The following DLC1 variants were observed in gnomAD, a reference collection of about 807,000 sequenced individuals.
The protein encoded by DLC1 is rho GTPase-activating protein 7.
A neutral mutation model predicts 140.3 loss-of-function variants in DLC1; 54 were observed. The observed-to-expected ratio is 0.38, with a 90% confidence interval of 0.31 to 0.48. The LOEUF (loss-of-function observed/expected upper bound fraction) is 0.48, where lower values mean the gene tolerates loss of function less well. DLC1 is among the 20% of genes least tolerant of loss of function. The probability of loss-of-function intolerance (pLI) is 0.96; values close to 1 mark genes in which losing one functional copy is unlikely to be tolerated. For synonymous variants in DLC1, 986 were observed against 728.1 expected (o/e 1.35, Z -5.70); for missense variants, 2,536 against 1,907.0 (o/e 1.33, Z -6.14).
chr8:13,100,617 C>A lies in DLC1; in HGVS notation c.1720G>T (p.Asp574Tyr), dbSNP rs1406464503. ...AGCGTGCCTCCGGGGCTGGGGCCGT[C>A]CTTCGGGTGGGAGTCGTCTGGGGAC... Reference protein sequence around the residue: ...PGSPDDSHPKDGPSPGGTLMD... With the variant: ...PGSPDDSHPKYGPSPGGTLMD... The change falls in exon 9 of 18, where the codon GAC becomes TAC. Residue 574 changes from aspartate to tyrosine, a missense_variant. Physicochemically the swap from Asp to Tyr is radical, Grantham distance 160. Transcript: ENST00000276297. 1 of 1,614,118 alleles carries A rather than the reference C, an allele frequency of 6.2e-7. No individual in the cohort carries two copies. Among genetic ancestry groups the A allele is most frequent in the Non-Finnish European group, 8.5e-7 (1 of 1,180,024 alleles).
In DLC1 at chr8:13,100,691, C is replaced by T. The variant is rs1196719927; in HGVS notation, c.1646G>A (p.Arg549Gln). 3 of 1,613,342 alleles carry T rather than the reference C, an allele frequency of 1.9e-6. No individual in the cohort carries two copies. The highest frequency in any genetic ancestry group is 1.1e-5 in the South Asian group (1 of 90,926). The change falls in exon 9 of 18, where the codon CGG becomes CAG. Residue 549 changes from arginine (R) to glutamine (Q), a missense_variant. By Grantham distance (43) the Arg-to-Gln change is conservative. Coordinates refer to ENST00000276297, the MANE Select transcript of DLC1 (RefSeq NM_182643.3). ...TFQRDSKRWSRLEEFDVFSPK... is the reference protein window; with the variant it reads ...TFQRDSKRWSQLEEFDVFSPK... ...AGAAAAGACATCAAACTCTTCAAGCCGGGACCACCTCTTGCTGTCCCTTTG... is the reference window on the plus strand; with the variant it reads ...AGAAAAGACATCAAACTCTTCAAGCTGGGACCACCTCTTGCTGTCCCTTTG...
intron 1 of DLC1, among the ~76,000 whole-genome samples, chr8:13,544,343 ATATCT>A (rs1315440615): frequency 2.0e-5 from 3 of 152,156 alleles, no homozygotes; most frequent in African/African-American, 7.2e-5. Flanking sequence ...GATTGTTCTC[ATATCT>A]TATTACCTGT....
rs573449038 is a variant in DLC1 at position 13,357,067 on chromosome 8, G to C, written c.1314+36486C>G. ...GCGGATCACTTGAGGCCAGGAGTTT[G>C]AGACCAGCCTAGCCCATATAACAAA... On this transcript the variant is annotated intron_variant, in intron 4 of 17. Transcript: ENST00000276297. Among the ~76,000 whole-genome samples, 15 of 152,026 alleles carry C rather than the reference G, an allele frequency of 9.9e-5. No homozygotes were observed. The South Asian group carries it at 2.9e-3, about 29-fold the overall frequency.
At chr8:13,494,705 C>G (rs527410605) in intron 2 of DLC1, among the ~76,000 whole-genome samples, 3 of 152,240 alleles carry the variant, frequency 2.0e-5, no homozygotes, top group Non-Finnish European at 2.9e-5. Context: ...AATCCCAACA[C>G]TTTGGGAGGC....
intron 5 of DLC1, among the ~76,000 whole-genome samples, chr8:13,278,413 T>C (rs2117414094): frequency 6.6e-6 from 1 of 152,320 alleles, no homozygotes; most frequent in Admixed American, 6.5e-5. Flanking sequence ...ACCCATGGCA[T>C]GGGTAGTGCC....
At chr8:13,200,884 C>T (rs959201965) in intron 5 of DLC1, among the ~76,000 whole-genome samples, 4 of 152,178 alleles carry the variant, frequency 2.6e-5, no homozygotes, top group African/African-American at 7.2e-5. Context: ...AAGCATGACC[C>T]ACTGCACCCA....
intron 5 of DLC1, among the ~76,000 whole-genome samples, chr8:13,116,828 C>G (rs1331477434): frequency 1.3e-5 from 2 of 152,148 alleles, no homozygotes; most frequent in East Asian, 1.9e-4. Context: ...AATACCCAAA[C>G]TAAAAACGAT....
In DLC1 at chr8:13,413,256, A is replaced by ATTTTTTTTTTTTTTTTTTTTTTTTTTTTT. The variant is rs58038503; in HGVS notation, c.1024-11638_1024-11637insAAAAAAAAAAAAAAAAAAAAAAAAAAAAA. ...TAAAACATTATGAGATTTTTTTGCGATTTTTTTTTTTTTTTTTTTTTAGCT... is the reference window on the plus strand; with the variant it reads ...TAAAACATTATGAGATTTTTTTGCGATTTTTTTTTTTTTTTTTTTTTTTTTTTTTTTTTTTTTTTTTTTTTTTTTTAGCT... On this transcript the variant is annotated intron_variant, in intron 2 of 17. Transcript: ENST00000276297. Among the ~76,000 whole-genome samples the ATTTTTTTTTTTTTTTTTTTTTTTTTTTTT allele has an allele frequency of 6.1e-5, 5 of 82,020 alleles. 1 individual carries two copies. The highest frequency in any genetic ancestry group is 1.5e-4 in the African/African-American group (3 of 19,876). The allele number at this position is 82,020 out of a possible 152,430, so 53.8% of individuals were successfully genotyped here.
chr8:13,207,233 A>G (rs1228081451), intron 5 of DLC1, among the ~76,000 whole-genome samples: 1 of 152,190 alleles, frequency 6.6e-6, no homozygotes, highest in Non-Finnish European at 1.5e-5. Flanking sequence ...TACGTATTCA[A>G]AATATAAAAA....
chr8:13,136,927 A>C (rs7004456), intron 5 of DLC1, among the ~76,000 whole-genome samples: 69,462 of 152,128 alleles, frequency 0.46, 16,260 homozygotes, highest in Admixed American at 0.55. Flanking sequence ...AGGTTGTTAT[A>C]GTGCATACCT....
At chr8:13,266,330 G>A (rs1830687430) in intron 5 of DLC1, among the ~76,000 whole-genome samples, 1 of 152,136 alleles carries the variant, frequency 6.6e-6, no homozygotes, top group African/African-American at 2.4e-5. Context: ...CATGGCTCTG[G>A]GCATGTTTTG....
chr8:13,205,605 A>G (rs1057454521), intron 5 of DLC1, among the ~76,000 whole-genome samples: 2 of 152,110 alleles, frequency 1.3e-5, no homozygotes, highest in African/African-American at 2.4e-5. Context: ...ATGATAGCTG[A>G]TGAGCTAAAA....
At chr8:13,402,825 T>G (rs1343549395) in intron 2 of DLC1, among the ~76,000 whole-genome samples, 1 of 152,202 alleles carries the variant, frequency 6.6e-6, no homozygotes, top group East Asian at 1.9e-4. Context: ...CAGCCACCAT[T>G]AAAAGGCACC....
chr8:13,138,590 G>C (rs1822736958), intron 5 of DLC1, among the ~76,000 whole-genome samples: 1 of 152,284 alleles, frequency 6.6e-6, no homozygotes, highest in Admixed American at 6.5e-5. Context: ...ATTTTTATTT[G>C]TAATGTTCAA....
intron 2 of DLC1, among the ~76,000 whole-genome samples, chr8:13,435,011 G>A (rs1456077950): frequency 6.6e-6 from 1 of 152,076 alleles, no homozygotes; most frequent in Non-Finnish European, 1.5e-5. Context: ...AATACATTTT[G>A]TAAGGCTATA....
chr8:13,407,274 A>G (rs1837610743), intron 2 of DLC1, among the ~76,000 whole-genome samples: 1 of 152,168 alleles, frequency 6.6e-6, no homozygotes, highest in Non-Finnish European at 1.5e-5. Flanking sequence ...GGGTTTTTAG[A>G]GAATCATTCT....
At position 13,469,966 on chromosome 8, in the gene DLC1, T is replaced by C. The variant is rs1467162074; in HGVS notation, c.1023+29083A>G. Among the ~76,000 whole-genome samples the C allele has an allele frequency of 7.2e-5, 11 of 152,326 alleles. No individual in the cohort carries two copies. In the East Asian group the frequency reaches 2.1e-3, roughly 29 times the overall value. ...GAAAATAGCCAGGCAGGGCAGCTTATTTTGTATAGAAAGTGGCATTTGGAT... is the reference window on the plus strand; with the variant it reads ...GAAAATAGCCAGGCAGGGCAGCTTACTTTGTATAGAAAGTGGCATTTGGAT... On this transcript the variant is annotated intron_variant, in intron 2 of 17. Coordinates refer to ENST00000276297, the MANE Select transcript of DLC1 (RefSeq NM_182643.3).
intron 5 of DLC1, among the ~76,000 whole-genome samples, chr8:13,226,340 A>G (rs766902620): frequency 7.9e-5 from 12 of 152,270 alleles, no homozygotes; most frequent in African/African-American, 1.4e-4. Flanking sequence ...ATATTCAGGT[A>G]GAGACACAGA....
intron 1 of DLC1, among the ~76,000 whole-genome samples, chr8:13,505,840 C>G (rs1343860736): frequency 1.3e-5 from 2 of 152,072 alleles, no homozygotes; most frequent in Non-Finnish European, 2.9e-5. Flanking sequence ...CATAGTTTTC[C>G]TAAAATGTTA....
Sources: gnomAD v4.1 joint callset for allele counts (sites outside exome capture counted in the v4.1 genomes callset) on GRCh38, gnomAD v4.1.1 for gene constraint, MANE v1.5 for transcripts, NCBI Gene and HGNC (gene_info 2026-07-23, HGNC 2026-07-21) for gene names.